Variants in PTPRD observed in about 807,000 individuals in gnomAD.
PTPRD encodes the protein protein tyrosine phosphatase receptor type D, also known as receptor-type tyrosine-protein phosphatase delta.
In PTPRD, 34 loss-of-function variants were observed where a neutral mutation model predicts 214.5. The observed-to-expected ratio is 0.16, with a 90% CI of 0.12 to 0.21. PTPRD has a LOEUF of 0.21. Among genes scored for constraint, PTPRD ranks in the 10% least tolerant of loss-of-function variants. The probability of loss-of-function intolerance (pLI) is 1.00; values close to 1 mark genes in which losing one functional copy is unlikely to be tolerated. For missense variants in PTPRD, 2,545 were observed against 2,398.7 expected (o/e 1.06, Z -1.27); for synonymous variants, 1,128 against 845.7 (o/e 1.33, Z -5.79).
chr9:10,193,935 G>C (rs1351123652), intron 3 of PTPRD, among the ~76,000 whole-genome samples: 1 of 152,058 alleles, frequency 6.6e-6, no homozygotes, highest in Non-Finnish European at 1.5e-5. Context: ...CATTATAACT[G>C]TTAAAGTGAT....
At chr9:9,174,457 A>G (rs2099923377) in intron 10 of PTPRD, among the ~76,000 whole-genome samples, 1 of 152,188 alleles carries the variant, frequency 6.6e-6, no homozygotes, top group Non-Finnish European at 1.5e-5. Flanking sequence ...TGGCTCAAAT[A>G]TAACCTTATA....
chr9:10,573,334 C>T (rs1410244050), intron 2 of PTPRD, among the ~76,000 whole-genome samples: 1 of 152,054 alleles, frequency 6.6e-6, no homozygotes, highest in Non-Finnish European at 1.5e-5. Context: ...ATACAAGTTC[C>T]CAAATGCAAG....
At chr9:10,252,233 T>G (rs1357193060) in intron 3 of PTPRD, among the ~76,000 whole-genome samples, 1 of 152,188 alleles carries the variant, frequency 6.6e-6, no homozygotes, top group East Asian at 1.9e-4. Context: ...TACAGCACGA[T>G]GGACATGAAA....
At chr9:8,931,138 A>G (rs539928081) in intron 11 of PTPRD, among the ~76,000 whole-genome samples, 1 of 152,034 alleles carries the variant, frequency 6.6e-6, no homozygotes, top group Admixed American at 6.6e-5. Context: ...TAATTTTTGT[A>G]TAAGGTGTAA....
intron 9 of PTPRD, among the ~76,000 whole-genome samples, chr9:9,357,675 T>C (rs2138757929): frequency 6.6e-6 from 1 of 150,718 alleles, no homozygotes; most frequent in Middle Eastern, 3.4e-3. Flanking sequence ...ACAATAAAAT[T>C]ATTAAATCAG....
intron 9 of PTPRD, among the ~76,000 whole-genome samples, chr9:9,351,103 G>A (rs1432475965): frequency 6.6e-6 from 1 of 151,940 alleles, no homozygotes; most frequent in East Asian, 1.9e-4. Context: ...TGATTTCCAG[G>A]CATCCCTTAC....
intron 2 of PTPRD, among the ~76,000 whole-genome samples, chr9:10,518,903 T>A (rs1032006000): frequency 6.6e-6 from 1 of 151,936 alleles, no homozygotes; most frequent in Admixed American, 6.6e-5. Flanking sequence ...TTAAAATAAA[T>A]CCTCTTCATA....
At chr9:8,639,105 T>C (rs1656858264) in intron 12 of PTPRD, among the ~76,000 whole-genome samples, 1 of 152,176 alleles carries the variant, frequency 6.6e-6, no homozygotes, top group Non-Finnish European at 1.5e-5. Flanking sequence ...CCTCCCAAAG[T>C]GCTGGGATTA....
chr9:9,556,069 T>A (rs1316370256), intron 8 of PTPRD, among the ~76,000 whole-genome samples: 1 of 152,160 alleles, frequency 6.6e-6, no homozygotes, highest in Admixed American at 6.5e-5. Flanking sequence ...CCCATGAACT[T>A]AACTATGAAT....
chr9:9,346,433 T>C (rs1430335425), intron 9 of PTPRD, among the ~76,000 whole-genome samples: 1 of 152,168 alleles, frequency 6.6e-6, no homozygotes, highest in Admixed American at 6.6e-5. Flanking sequence ...ATTACCATAA[T>C]AATTACAAAA....
chr9:9,230,641 A>T (rs1336737869), intron 9 of PTPRD, among the ~76,000 whole-genome samples: 1 of 152,116 alleles, frequency 6.6e-6, no homozygotes, highest in Admixed American at 6.6e-5. Flanking sequence ...ATTGAATGCT[A>T]GGACACCCAG....
In PTPRD at chr9:8,883,714, T is replaced by C. The variant is rs118147888; in HGVS notation, c.-104+134983A>G. On this transcript the variant is annotated intron_variant, in intron 11 of 45. Transcript: ENST00000381196. ...AGAGACCCCGTTGAGGACTTTCTTT[T>C]ATACAGGTCTTGTATTTTCATTTTT... Among the ~76,000 whole-genome samples, 67 of 152,324 alleles carry C rather than the reference T, an allele frequency of 4.4e-4. No homozygotes were observed. In the East Asian group the frequency reaches 0.011, roughly 26 times the overall value.
chr9:8,828,691 C>T (rs1163076494), intron 11 of PTPRD, among the ~76,000 whole-genome samples: 3 of 152,122 alleles, frequency 2.0e-5, no homozygotes, highest in African/African-American at 4.8e-5. Context: ...GAGAAGGTAA[C>T]TGAGAGTACT....
chr9:10,184,929 T>G (rs996828046), intron 3 of PTPRD, among the ~76,000 whole-genome samples: 1 of 152,194 alleles, frequency 6.6e-6, no homozygotes, highest in Non-Finnish European at 1.5e-5. Context: ...AAAGCACATG[T>G]AATAAAGGTC....
intron 10 of PTPRD, among the ~76,000 whole-genome samples, chr9:9,076,614 T>C (rs930042740): frequency 4.6e-5 from 7 of 152,102 alleles, no homozygotes; most frequent in African/African-American, 1.2e-4. Flanking sequence ...ATCTCTGTTG[T>C]TGCAAATGAC....
chr9:8,785,937 A>C (rs772926355), intron 11 of PTPRD, among the ~76,000 whole-genome samples: 1 of 152,192 alleles, frequency 6.6e-6, no homozygotes, highest in Non-Finnish European at 1.5e-5. Flanking sequence ...TTTTTCCTTT[A>C]TAATGTGCAC....
chr9:9,731,726 G>A (rs982179178), intron 7 of PTPRD, among the ~76,000 whole-genome samples: 10 of 152,082 alleles, frequency 6.6e-5, no homozygotes, highest in Non-Finnish European at 1.3e-4. Flanking sequence ...ACCGAACACC[G>A]CATGTTCTCA....
At chr9:9,383,031 A>T (rs928980404) in intron 9 of PTPRD, among the ~76,000 whole-genome samples, 7 of 140,138 alleles carry the variant, frequency 5.0e-5, no homozygotes, top group African/African-American at 1.6e-4. Context: ...GAAGGACATT[A>T]TCTTAGGTAA....
At chr9:9,479,924 T>C (rs779202886) in intron 8 of PTPRD, among the ~76,000 whole-genome samples, 16 of 152,108 alleles carry the variant, frequency 1.1e-4, no homozygotes, top group African/African-American at 2.9e-4. Context: ...ATAAACTATA[T>C]AATAAAAGCA....
Sources: allele counts gnomAD v4.1 joint callset (sites outside exome capture counted in the v4.1 genomes callset), GRCh38; gene constraint gnomAD v4.1.1; transcripts MANE v1.5; gene names NCBI Gene and HGNC (gene_info 2026-07-23, HGNC 2026-07-21).